Variants in GMCL1 observed in about 807,000 individuals in gnomAD.
GMCL1 encodes the protein germ cell-less 1, spermatogenesis associated, also known as germ cell-less protein-like 1.
GMCL1 carries 54 observed loss-of-function variants against 75.5 expected under a neutral mutation model. That is an observed-to-expected ratio of 0.71 (90% CI 0.57 to 0.90). The LOEUF is 0.90. Among genes scored for constraint, GMCL1 ranks in the 40% least tolerant of loss-of-function variants. GMCL1 has a pLI of 0.00. For synonymous variants in GMCL1, 210 were observed against 209.6 expected, an observed-to-expected ratio of 1.00 and a Z score of -0.02; for missense variants, 537 against 622.7, an observed-to-expected ratio of 0.86 and a Z score of 1.47.
intron 13 of GMCL1, among the ~76,000 whole-genome samples, chr2:69,876,300 T>C (rs923364102): frequency 6.6e-6 from 1 of 152,178 alleles, no homozygotes; most frequent in Admixed American, 6.5e-5. Context: ...AGTGGTGCAA[T>C]TGAGAATTTG....
At chr2:69,862,191 A>G (rs1558547929) in intron 10 of GMCL1, among the ~76,000 whole-genome samples, 1 of 152,168 alleles carries the variant, frequency 6.6e-6, no homozygotes, top group Non-Finnish European at 1.5e-5. Flanking sequence ...GCTTCTTAAT[A>G]TATAGGTATT....
intron 11 of GMCL1, among the ~76,000 whole-genome samples, chr2:69,865,626 C>T (rs753613975): frequency 2.0e-5 from 3 of 151,326 alleles, no homozygotes; most frequent in South Asian, 2.1e-4. Context: ...CCAGCCTGGG[C>T]GACAAAGTAA....
At chr2:69,841,318 C>T (rs1674978659) in intron 4 of GMCL1, among the ~76,000 whole-genome samples, 1 of 152,138 alleles carries the variant, frequency 6.6e-6, no homozygotes, top group Non-Finnish European at 1.5e-5. Context: ...TGTCTAAGGT[C>T]ATTTACAGAT....
intron 10 of GMCL1, among the ~76,000 whole-genome samples, chr2:69,864,419 C>T (rs886331408): frequency 7.2e-5 from 11 of 152,002 alleles, no homozygotes; most frequent in Admixed American, 7.2e-4. Flanking sequence ...AAAGACTTAA[C>T]TGATAAAATT....
chr2:69,829,975 C>T lies in GMCL1; in HGVS notation c.83C>T (p.Ser28Leu), dbSNP rs1291658285. 7 of 1,583,910 alleles carry T rather than the reference C, an allele frequency of 4.4e-6. No individual in the cohort carries two copies. Among genetic ancestry groups the T allele is most frequent in the East Asian group, 2.3e-5 (1 of 43,212 alleles). The change falls in exon 1 of 14, where the codon TCG (serine) becomes TTG (leucine). Residue 28 changes from serine to leucine, a missense_variant. By Grantham distance (145) the Ser-to-Leu change is moderately radical. Around this residue, in one of 3 missense-constraint regions of GMCL1, gnomAD observed 144 missense variants for 127.2 expected, o/e 1.13. Coordinates refer to ENST00000282570, the MANE Select transcript of GMCL1 (RefSeq NM_178439.5). ...QQAQGARAGG[S>L]ARRPDTGDDA... is the part of the protein sequence containing the mutation. ...GCGCAGGGTGCCAGGGCGGGGGGCT[C>T]GGCCCGGAGGCCGGACACTGGAGAC...
chr2:69,857,093 T>C (rs544444388), intron 9 of GMCL1, among the ~76,000 whole-genome samples: 1 of 152,334 alleles, frequency 6.6e-6, no homozygotes, highest in African/African-American at 2.4e-5. Flanking sequence ...GGCTATTATA[T>C]AGCCTAGCAT....
intron 13 of GMCL1, among the ~76,000 whole-genome samples, chr2:69,877,678 C>T (rs933909803): frequency 6.8e-6 from 1 of 147,790 alleles, no homozygotes; most frequent in Admixed American, 6.9e-5. Context: ...ATACCACTTT[C>T]CCTCGTACAG....
chr2:69,872,692 A>C (rs530382057), intron 13 of GMCL1, among the ~76,000 whole-genome samples: 1 of 152,196 alleles, frequency 6.6e-6, no homozygotes, highest in African/African-American at 2.4e-5. Context: ...CCCATCTTAC[A>C]TGAAAGGTAA....
chr2:69,859,759 G>A (rs867347708), intron 9 of GMCL1, among the ~76,000 whole-genome samples: 258 of 69,150 alleles, frequency 3.7e-3, no homozygotes, highest in South Asian at 4.6e-3. Flanking sequence ...AAAAAAAAAA[G>A]TATATATGGG....
chr2:69,879,081 A>G lies in GMCL1; in HGVS notation c.*77A>G, dbSNP rs1295972424. 1.1e-6 allele frequency: 1 copy of G among 872,406 alleles called. No homozygotes were observed. Among genetic ancestry groups the G allele is most frequent in the Admixed American group, 2.2e-5 (1 of 45,880 alleles). The allele number at this position is 872,406 out of a possible 1,614,324, so 54.0% of individuals were successfully genotyped here. A position where few individuals can be genotyped will look rare whatever the true frequency, so the allele number is the denominator to read the frequency against. On this transcript the variant is annotated 3_prime_UTR_variant, in exon 14 of 14. Coordinates refer to ENST00000282570, the MANE Select transcript of GMCL1 (RefSeq NM_178439.5). ...AACAGTAGCACTTTGAAAACTTTTT[A>G]GGCCAGCTTTAATTTAATGGCCCTA...
chr2:69,830,133 C>G lies in GMCL1; in HGVS notation c.241C>G (p.Leu81Val). The change falls in exon 1 of 14, where the codon CTC becomes GTC. Residue 81 changes from leucine (L) to valine (V), a missense_variant. Leu to Val is a conservative substitution (Grantham distance 32). This residue lies in a region of GMCL1 where 144 missense variants were observed against 127.2 expected (regional missense o/e 1.13). Coordinates refer to ENST00000282570, the MANE Select transcript of GMCL1 (RefSeq NM_178439.5). ...DEEEGDEQQR[L>V]LNTPRRKKLK... ...GGAGGAGGGGGACGAGCAGCAGCGG[C>G]TCCTCAACACCCCTCGAAGGTACGT... The G allele has an allele frequency of 6.4e-7, 1 of 1,570,516 alleles. No individual in the cohort carries two copies. Among genetic ancestry groups the G allele is most frequent in the Non-Finnish European group, 8.6e-7 (1 of 1,157,430 alleles).
At chr2:69,840,530 A>G (rs1258201264) in intron 3 of GMCL1, among the ~76,000 whole-genome samples, 1 of 152,186 alleles carries the variant, frequency 6.6e-6, no homozygotes, top group Non-Finnish European at 1.5e-5. Flanking sequence ...TGGCATGGAC[A>G]GGACTCAGGA....
In GMCL1 at chr2:69,830,121, G is replaced by C. The variant is rs148875956; in HGVS notation, c.229G>C (p.Glu77Gln). The C allele has an allele frequency of 6.3e-7, 1 of 1,575,862 alleles. No individual in the cohort carries two copies. Among genetic ancestry groups the C allele is most frequent in the Non-Finnish European group, 8.6e-7 (1 of 1,160,316 alleles). Reference sequence around the variant, plus strand: ...GGACGAGGATGAGGAGGAGGGGGACGAGCAGCAGCGGCTCCTCAACACCCC... The same window carrying C: ...GGACGAGGATGAGGAGGAGGGGGACCAGCAGCAGCGGCTCCTCAACACCCC... ...ETDEDEEEGD[E>Q]QQRLLNTPRR... The change falls in exon 1 of 14, where the codon GAG becomes CAG. Residue 77 changes from glutamate to glutamine, a missense_variant. By Grantham distance (29) the Glu-to-Gln change is conservative. This residue lies in a region of GMCL1 where 144 missense variants were observed against 127.2 expected (regional missense o/e 1.13). Coordinates refer to ENST00000282570, the MANE Select transcript of GMCL1 (RefSeq NM_178439.5).
intron 13 of GMCL1, among the ~76,000 whole-genome samples, chr2:69,877,828 G>C (rs549136467): frequency 1.3e-5 from 2 of 152,212 alleles, no homozygotes; most frequent in East Asian, 3.9e-4. Flanking sequence ...CAGTCACACA[G>C]ATATTCTAGT....
At chr2:69,876,228 G>C (rs1377507895) in intron 13 of GMCL1, among the ~76,000 whole-genome samples, 1 of 152,158 alleles carries the variant, frequency 6.6e-6, no homozygotes, top group Non-Finnish European at 1.5e-5. Flanking sequence ...CAGATTAAAA[G>C]TGATAAGAAC....
At position 69,843,287 on chromosome 2, in the gene GMCL1, C is replaced by T. The variant is rs60400242; in HGVS notation, c.692+26C>T. 9 of 1,249,396 alleles carry T rather than the reference C, an allele frequency of 7.2e-6. No homozygotes were observed. The South Asian group carries it at 8.4e-5, about 12-fold the overall frequency. 77.4% of individuals were successfully genotyped at this position (1,249,396 alleles called of 1,614,324 possible). ...GTGAGTTGCCTTTCTTGTTTTTCTT[C>T]CTATCCCACTTTTAGGAATTTGGTT... On this transcript the variant is annotated intron_variant, in intron 5 of 13. Coordinates refer to ENST00000282570, the MANE Select transcript of GMCL1 (RefSeq NM_178439.5).
intron 4 of GMCL1, 96 bp from the exon 5 acceptor site, chr2:69,843,052 CT>C (rs142916866): frequency 0.13 from 41,593 of 313,022 alleles, 5,568 homozygotes; most frequent in African/African-American, 0.47. Context: ...TTTCTTTCTT[CT>C]TTTTTTTTTT....
intron 10 of GMCL1, among the ~76,000 whole-genome samples, chr2:69,864,469 C>T (rs891222570): frequency 4.9e-4 from 75 of 151,728 alleles, no homozygotes; most frequent in African/African-American, 1.7e-3. Context: ...TGCATAGTTA[C>T]ACTATATGAA....
At chr2:69,836,441 G>A (rs1393902611) in intron 1 of GMCL1, among the ~76,000 whole-genome samples, 12 of 152,122 alleles carry the variant, frequency 7.9e-5, no homozygotes, top group Admixed American at 6.6e-4. Context: ...GCATCATAAC[G>A]AGTGAAGTGG....
Sources: allele counts gnomAD v4.1 joint callset (sites outside exome capture counted in the v4.1 genomes callset), GRCh38; gene constraint gnomAD v4.1.1; regional missense constraint gnomAD v4.1.1; transcripts MANE v1.5; gene names NCBI Gene and HGNC (gene_info 2026-07-23, HGNC 2026-07-21).